The following ATRX variants were observed in gnomAD, a reference collection of about 807,000 sequenced individuals.
ATRX encodes ATRX chromatin remodeler.
ATRX carries 12 observed loss-of-function variants against 172.6 expected under a neutral mutation model. The observed-to-expected ratio is 0.07, with a 90% confidence interval of 0.04 to 0.11. The LOEUF (loss-of-function observed/expected upper bound fraction) is 0.11, where lower values mean the gene tolerates loss of function less well. ATRX is among the 10% of genes least tolerant of loss of function. ATRX has a pLI of 1.00. For missense variants in ATRX, 1,368 were observed against 1,767.4 expected, an observed-to-expected ratio of 0.77 and a Z score of 4.05; for synonymous variants, 674 against 594.7, an observed-to-expected ratio of 1.13 and a Z score of -1.94.
At chrX:77,626,247 G>C (rs2067846537) in intron 19 of ATRX, among the ~76,000 whole-genome samples, 1 of 106,303 alleles carries the variant, frequency 9.4e-6, no homozygotes, top group Non-Finnish European at 1.9e-5. Context: ...GGACACAAAG[G>C]CATAAGAATG....
At chrX:77,555,564 A>G (rs2064743017) in intron 30 of ATRX, among the ~76,000 whole-genome samples, 1 of 111,495 alleles carries the variant, frequency 9.0e-6, no homozygotes, top group African/African-American at 3.3e-5. Flanking sequence ...AGGGACATGG[A>G]TGAAGCTGGA....
At chrX:77,588,030 T>C (rs1557078106) in intron 27 of ATRX, among the ~76,000 whole-genome samples, 1 of 112,242 alleles carries the variant, frequency 8.9e-6, no homozygotes, top group African/African-American at 3.2e-5. Flanking sequence ...TCAACATCAC[T>C]TTCAAAGCAA....
chrX:77,530,706 G>A (rs1281951010), intron 30 of ATRX, among the ~76,000 whole-genome samples: 2 of 110,575 alleles, frequency 1.8e-5, no homozygotes, highest in African/African-American at 3.3e-5. Flanking sequence ...AGAACCAAGA[G>A]CAATCAAACC....
chrX:77,742,071 C>T (rs1040488481), intron 1 of ATRX, among the ~76,000 whole-genome samples: 1 of 110,604 alleles, frequency 9.0e-6, no homozygotes, highest in Non-Finnish European at 1.9e-5. Context: ...AAGTTTTGGG[C>T]ATAGGTAGTA....
At chrX:77,565,353 CATA>C (rs1321779146) in intron 28 of ATRX, among the ~76,000 whole-genome samples, 1 of 112,050 alleles carries the variant, frequency 8.9e-6, no homozygotes, top group Non-Finnish European at 1.9e-5. Context: ...AGAACTTTCT[CATA>C]ATAAGAACCA....
intron 15 of ATRX, among the ~76,000 whole-genome samples, chrX:77,651,491 A>C (rs1196336740): frequency 1.8e-5 from 2 of 111,805 alleles, no homozygotes; most frequent in African/African-American, 3.3e-5. Flanking sequence ...ACTTAATTAA[A>C]TTAATAAAGC....
intron 1 of ATRX, among the ~76,000 whole-genome samples, chrX:77,721,405 T>C: frequency 8.9e-6 from 1 of 111,784 alleles, no homozygotes; most frequent in Non-Finnish European, 1.9e-5. Flanking sequence ...GCAGATGAAA[T>C]GATTGCATAT....
rs45572441 is a variant in ATRX at position 77,684,953 on chromosome X, C to A, written c.648G>T (p.Met216Ile). 1 of 1,202,437 alleles carries A rather than the reference C, an allele frequency of 8.3e-7. No individual in the cohort carries two copies. The highest frequency in any genetic ancestry group is 1.1e-6 in the Non-Finnish European group (1 of 888,260). The change falls in exon 8 of 35, where the codon ATG becomes ATT. Residue 216 changes from methionine to isoleucine, a missense_variant. Physicochemically the swap from Met to Ile is conservative, Grantham distance 10 (BLOSUM62 1). Transcript: ENST00000373344. ...SDDISRDSDG[M>I]DEQCRWCAEG... Reference sequence around the variant, plus strand: ...ATATTACCTACCTACATTGTTCATCCATTCCATCTGAGTCACGGCTAATAT... The same window carrying A: ...ATATTACCTACCTACATTGTTCATCAATTCCATCTGAGTCACGGCTAATAT...
chrX:77,749,792 C>G (rs782012668), intron 1 of ATRX, among the ~76,000 whole-genome samples: 4 of 111,270 alleles, frequency 3.6e-5, no homozygotes, highest in African/African-American at 1.3e-4. Flanking sequence ...ATCTTGCACT[C>G]TCCTGCTCTG....
chrX:77,552,953 G>A (rs1401823275), intron 30 of ATRX, among the ~76,000 whole-genome samples: 1 of 111,588 alleles, frequency 9.0e-6, no homozygotes, highest in Non-Finnish European at 1.9e-5. Context: ...TTAGATAACA[G>A]CAATTGAAAG....
chrX:77,673,497 A>G (rs1180297488), intron 10 of ATRX, among the ~76,000 whole-genome samples: 2 of 111,601 alleles, frequency 1.8e-5, no homozygotes, highest in African/African-American at 6.5e-5. Context: ...AAGCTAAACC[A>G]GAAACATACA....
intron 2 of ATRX, among the ~76,000 whole-genome samples, chrX:77,706,944 T>A (rs2072858129): frequency 9.0e-6 from 1 of 111,294 alleles, no homozygotes; most frequent in East Asian, 2.8e-4. Context: ...TAGGGGAAAA[T>A]ATTTCCAAAT....
chrX:77,730,136 T>A (rs1319226823), intron 1 of ATRX, among the ~76,000 whole-genome samples: 1 of 111,458 alleles, frequency 9.0e-6, no homozygotes, highest in Non-Finnish European at 1.9e-5. Context: ...CAAACAGAAT[T>A]ACGAGAAATC....
intron 1 of ATRX, 111 bp from the exon 2 acceptor site, chrX:77,717,354 A>T: frequency 1.7e-6 from 1 of 583,618 alleles, no homozygotes; most frequent in South Asian, 2.6e-5. Flanking sequence ...GTGTAAGAGT[A>T]TGCACATTCA....
intron 1 of ATRX, among the ~76,000 whole-genome samples, chrX:77,773,092 TAAAAAAAAAA>T (rs782649057): frequency 7.8e-4 from 29 of 37,359 alleles, no homozygotes; most frequent in Admixed American, 1.5e-3. Flanking sequence ...AAATTTCAGC[TAAAAAAAAAA>T]AAAAAAAAAA....
intron 15 of ATRX, among the ~76,000 whole-genome samples, chrX:77,648,868 G>A (rs1297980499): frequency 3.6e-5 from 4 of 111,604 alleles, no homozygotes; most frequent in African/African-American, 1.3e-4. Context: ...AGTTCTACAT[G>A]TATTAAAGAA....
chrX:77,573,493 TACAC>T (rs782485798), intron 28 of ATRX, among the ~76,000 whole-genome samples: 3 of 111,812 alleles, frequency 2.7e-5, no homozygotes, highest in Non-Finnish European at 3.8e-5. Flanking sequence ...ACAATATCAA[TACAC>T]ACACAAATTG....
chrX:77,636,577 C>T (rs993712297), intron 15 of ATRX, among the ~76,000 whole-genome samples: 5 of 111,063 alleles, frequency 4.5e-5, no homozygotes, highest in Admixed American at 3.9e-4. Flanking sequence ...TACTATTTTG[C>T]TTCAATAAAG....
At chrX:77,753,368 A>T (rs1461736554) in intron 1 of ATRX, among the ~76,000 whole-genome samples, 1 of 109,612 alleles carries the variant, frequency 9.1e-6, no homozygotes, top group Non-Finnish European at 1.9e-5. Flanking sequence ...TTTCTTCTTT[A>T]TTAGTCTGGC....
Sources: gnomAD v4.1 joint callset for allele counts (sites outside exome capture counted in the v4.1 genomes callset) on GRCh38, gnomAD v4.1.1 for gene constraint, MANE v1.5 for transcripts, NCBI Gene and HGNC (gene_info 2026-07-23, HGNC 2026-07-21) for gene names.